The following WDR44 variants were observed in gnomAD, a reference collection of about 807,000 sequenced individuals.
WDR44 encodes WD repeat domain 44.
In WDR44, 9 loss-of-function variants were observed where a neutral mutation model predicts 65.7. The observed-to-expected ratio is 0.14, with a 90% confidence interval of 0.08 to 0.24. The LOEUF is 0.24. Among genes scored for constraint, WDR44 ranks in the 10% least tolerant of loss-of-function variants. WDR44 has a pLI of 1.00. For synonymous variants in WDR44, 220 were observed against 235.2 expected, an observed-to-expected ratio of 0.94 and a Z score of 0.59; for missense variants, 425 against 670.9, an observed-to-expected ratio of 0.63 and a Z score of 4.05.
chrX:118,369,140 G>GT (rs773794286), intron 1 of WDR44, among the ~76,000 whole-genome samples: 48 of 111,574 alleles, frequency 4.3e-4, no homozygotes, highest in Admixed American at 1.2e-3. Context: ...ATGTTAGCTA[G>GT]TGTACTAGTG....
At chrX:118,411,869 C>T (rs1385857785) in intron 12 of WDR44, among the ~76,000 whole-genome samples, 6 of 112,164 alleles carry the variant, frequency 5.3e-5, no homozygotes, top group African/African-American at 1.3e-4. Flanking sequence ...ACCACATCAA[C>T]TAATAGGTCC....
chrX:118,346,748 A>G (rs951004851), intron 1 of WDR44, among the ~76,000 whole-genome samples, 168 bp downstream of exon 1: 2 of 110,165 alleles, frequency 1.8e-5, no homozygotes, highest in Admixed American at 1.9e-4. Context: ...GGGCGGGGTG[A>G]CTCGGAGAAG....
intron 3 of WDR44, among the ~76,000 whole-genome samples, chrX:118,388,061 C>A (rs1410012923): frequency 1.8e-5 from 2 of 111,606 alleles, no homozygotes; most frequent in East Asian, 5.6e-4. Flanking sequence ...TGGCACTCGA[C>A]ATTTTGGGCT....
At chrX:118,383,901 A>T in intron 2 of WDR44, among the ~76,000 whole-genome samples, 1 of 76,477 alleles carries the variant, frequency 1.3e-5, no homozygotes, top group Non-Finnish European at 2.4e-5. Context: ...TTTTTTTGAG[A>T]CAGGGTCTTG....
intron 12 of WDR44, among the ~76,000 whole-genome samples, chrX:118,415,106 A>G (rs5956055): frequency 0.27 from 29,607 of 111,138 alleles, 3,195 homozygotes; most frequent in African/African-American, 0.39. Context: ...GGATTTTGTC[A>G]AATGCTTTTT....
intron 1 of WDR44, among the ~76,000 whole-genome samples, chrX:118,359,533 A>C (rs1380461215): frequency 8.9e-6 from 1 of 112,172 alleles, no homozygotes; most frequent in Admixed American, 9.5e-5. Flanking sequence ...TCAGGTTGTC[A>C]TTTTAGATAA....
In WDR44 at chrX:118,423,175, G is replaced by T. The variant is rs768452898; in HGVS notation, c.1738-9606G>T. Among the ~76,000 whole-genome samples, 26 of 106,203 alleles carry T rather than the reference G, an allele frequency of 2.4e-4. No homozygotes were observed. The East Asian group carries it at 5.6e-3, about 23-fold the overall frequency. The allele number at this position is 106,203 out of a possible 115,157, so 92.2% of individuals were successfully genotyped here. On this transcript the variant is annotated intron_variant, in intron 12 of 19. Coordinates refer to ENST00000254029, the MANE Select transcript of WDR44 (RefSeq NM_019045.5). Reference sequence around the variant, plus strand: ...TAAGTAAATTTTATAATATAAAGTTGTTTTTTTTTTGAGATAGAGTTTCAC... The same window carrying T: ...TAAGTAAATTTTATAATATAAAGTTTTTTTTTTTTTGAGATAGAGTTTCAC...
intron 3 of WDR44, among the ~76,000 whole-genome samples, chrX:118,389,161 C>G (rs12845168): frequency 0.12 from 12,840 of 111,311 alleles, 677 homozygotes; most frequent in Admixed American, 0.25. Flanking sequence ...TAAGTTCTAG[C>G]CTTTTCAGTT....
At chrX:118,350,701 A>G (rs10453791) in intron 1 of WDR44, among the ~76,000 whole-genome samples, 1,746 of 112,281 alleles carry the variant, frequency 0.016, 36 homozygotes, top group African/African-American at 0.053. Flanking sequence ...ATACTTACAC[A>G]TACTAAAGGC....
intron 18 of WDR44, 38 bp from the exon 19 acceptor site, chrX:118,444,322 C>T: frequency 8.4e-7 from 1 of 1,186,865 alleles, no homozygotes. Flanking sequence ...TCTTGGTATC[C>T]AATTTGTCAG....
chrX:118,441,749 AT>A (rs780371907), intron 15 of WDR44, among the ~76,000 whole-genome samples, 190 bp downstream of exon 15: 6 of 110,224 alleles, frequency 5.4e-5, no homozygotes, highest in Non-Finnish European at 1.1e-4. Context: ...TTTAAAAAAA[AT>A]TTTTTTTTGA....
intron 1 of WDR44, among the ~76,000 whole-genome samples, chrX:118,356,348 T>C (rs1477164730): frequency 1.8e-5 from 2 of 109,317 alleles, no homozygotes; most frequent in African/African-American, 3.4e-5. Context: ...CATTGCTGAT[T>C]TGGGTTTCAG....
At chrX:118,433,071 A>T (rs2057226008) in intron 13 of WDR44, among the ~76,000 whole-genome samples, 177 bp downstream of exon 13, 1 of 111,665 alleles carries the variant, frequency 9.0e-6, no homozygotes, top group African/African-American at 3.3e-5. Flanking sequence ...AAATCAACTG[A>T]TTATAGGTAT....
chrX:118,444,994 A>T (rs2057334218), intron 19 of WDR44: 1 of 328,951 alleles, frequency 3.0e-6, no homozygotes, highest in Admixed American at 3.1e-5. Flanking sequence ...TTCACCTGAG[A>T]ATTAAAAATG....
At chrX:118,372,157 G>A (rs1162159641) in intron 1 of WDR44, among the ~76,000 whole-genome samples, 1 of 110,098 alleles carries the variant, frequency 9.1e-6, no homozygotes, top group Admixed American at 9.8e-5. Flanking sequence ...GAAATTAGAG[G>A]ATATAATATT....
chrX:118,428,835 A>G (rs1027009549), intron 12 of WDR44, among the ~76,000 whole-genome samples: 3 of 112,570 alleles, frequency 2.7e-5, no homozygotes, highest in Non-Finnish European at 5.6e-5. Flanking sequence ...GGGTAAAGAA[A>G]ATGTGGTACA....
chrX:118,398,169 G>A (rs1045131112), intron 7 of WDR44, among the ~76,000 whole-genome samples: 2 of 111,898 alleles, frequency 1.8e-5, no homozygotes, highest in African/African-American at 6.5e-5. Flanking sequence ...CCAGGGAGGC[G>A]GAGGTTGCAG....
chrX:118,422,260 G>A (rs1399228207), intron 12 of WDR44, among the ~76,000 whole-genome samples: 1 of 110,562 alleles, frequency 9.0e-6, no homozygotes, highest in Non-Finnish European at 1.9e-5. Flanking sequence ...AGCCAAGCAT[G>A]GTGGCATGTA....
intron 2 of WDR44, among the ~76,000 whole-genome samples, chrX:118,380,210 G>A (rs2056702271): frequency 9.0e-6 from 1 of 111,433 alleles, no homozygotes; most frequent in African/African-American, 3.3e-5. Flanking sequence ...TTTCCCCAGT[G>A]GTTATATCTT....
Sources: allele counts gnomAD v4.1 joint callset (sites outside exome capture counted in the v4.1 genomes callset), GRCh38; gene constraint gnomAD v4.1.1; transcripts MANE v1.5; gene names NCBI Gene and HGNC (gene_info 2026-07-23, HGNC 2026-07-21).